Variants in LRMDA observed in about 807,000 individuals in gnomAD.
LRMDA encodes leucine-rich melanocyte differentiation-associated protein.
LRMDA carries 18 observed loss-of-function variants against 29.8 expected under a neutral mutation model. The ratio of observed to expected loss-of-function variants is 0.60; its 90% CI spans 0.42 to 0.90. The LOEUF (loss-of-function observed/expected upper bound fraction) is 0.90, where lower values mean the gene tolerates loss of function less well. LRMDA is among the 40% of genes least tolerant of loss of function. The pLI, the probability that LRMDA is intolerant of heterozygous loss-of-function variation, is 0.00. For missense variants in LRMDA, 273 were observed against 273.9 expected (o/e 1.00, Z 0.02); for synonymous variants, 125 against 109.4 (o/e 1.14, Z -0.89).
chr10:76,164,639 T>G (rs577576867), intron 5 of LRMDA, among the ~76,000 whole-genome samples: 2 of 152,372 alleles, frequency 1.3e-5, no homozygotes, highest in Non-Finnish European at 2.9e-5. Context: ...AGTTTGCCAA[T>G]CTGTGATCTA....
Position 75,972,277 on chromosome 10 carries a change from A to AT in LRMDA, c.132-63719dup, listed in dbSNP as rs200885177. On this transcript the variant is annotated intron_variant, in intron 2 of 6. Coordinates refer to ENST00000611255, the MANE Select transcript of LRMDA (RefSeq NM_001305581.2). ...TGGAGTCTGGATTTTGGAGTTTGGG[A>AT]TTTTTTTTTTTTAATGAATATTTTT... Among the ~76,000 whole-genome samples, 562 of 145,762 alleles carry AT rather than the reference A, an allele frequency of 3.9e-3. 1 individual carries two copies. The highest frequency in any genetic ancestry group is 0.015 in the Middle Eastern group (4 of 274).
intron 2 of LRMDA, among the ~76,000 whole-genome samples, chr10:75,735,754 C>G (rs1842754132): frequency 6.6e-6 from 1 of 152,154 alleles, no homozygotes; most frequent in Non-Finnish European, 1.5e-5. Context: ...AGTCAGCAGA[C>G]AACAGAAGCC....
intron 6 of LRMDA, among the ~76,000 whole-genome samples, chr10:76,463,682 A>T (rs892257886): frequency 3.3e-5 from 5 of 152,152 alleles, no homozygotes; most frequent in Non-Finnish European, 7.3e-5. Flanking sequence ...AACAGAACTG[A>T]GGAGAAAGGA....
At chr10:76,136,010 A>G (rs1394168672) in intron 5 of LRMDA, among the ~76,000 whole-genome samples, 1 of 152,130 alleles carries the variant, frequency 6.6e-6, no homozygotes, top group East Asian at 1.9e-4. Context: ...TAAGGCATAG[A>G]TTGTTATCTT....
intron 6 of LRMDA, among the ~76,000 whole-genome samples, chr10:76,347,487 C>T (rs777367828): frequency 5.3e-5 from 8 of 152,136 alleles, no homozygotes; most frequent in Non-Finnish European, 8.8e-5. Flanking sequence ...GAGATACCTC[C>T]GTGTGACTGC....
chr10:75,793,576 G>C lies in LRMDA; in HGVS notation c.132-242432G>C, dbSNP rs142843857. On this transcript the variant is annotated intron_variant, in intron 2 of 6. Coordinates refer to ENST00000611255, the MANE Select transcript of LRMDA (RefSeq NM_001305581.2). ...ACATGTATAAACAAATGGTAGGATT[G>C]TATTTTCTGGTCCCCTTGTGTGAAT... Among the ~76,000 whole-genome samples the C allele has an allele frequency of 5.3e-3, 805 of 152,314 alleles. 11 individuals carry two copies. Among genetic ancestry groups the C allele is most frequent in the African/African-American group, 0.019 (774 of 41,552 alleles).
At chr10:75,801,536 A>T (rs1435607801) in intron 2 of LRMDA, among the ~76,000 whole-genome samples, 3 of 152,158 alleles carry the variant, frequency 2.0e-5, no homozygotes, top group Non-Finnish European at 4.4e-5. Context: ...ATATTTTTCC[A>T]AGAGTTTATA....
chr10:76,042,727 T>A (rs537816493), intron 3 of LRMDA, among the ~76,000 whole-genome samples: 1 of 152,314 alleles, frequency 6.6e-6, no homozygotes, highest in Admixed American at 6.5e-5. Flanking sequence ...TTTGGTGAAA[T>A]TTTGTAATTT....
intron 2 of LRMDA, among the ~76,000 whole-genome samples, chr10:75,733,108 T>C (rs912587021): frequency 1.3e-5 from 2 of 152,200 alleles, no homozygotes; most frequent in Non-Finnish European, 2.9e-5. Flanking sequence ...TAAGAATGTC[T>C]CAGGGGTGGA....
At chr10:76,085,829 C>T (rs1457879925) in intron 5 of LRMDA, among the ~76,000 whole-genome samples, 1 of 152,154 alleles carries the variant, frequency 6.6e-6, no homozygotes, top group Non-Finnish European at 1.5e-5. Context: ...TCCCCGCTCT[C>T]CCTCACACTC....
chr10:76,284,771 T>C (rs1302337487), intron 5 of LRMDA, among the ~76,000 whole-genome samples: 1 of 152,060 alleles, frequency 6.6e-6, no homozygotes, highest in African/African-American at 2.4e-5. Flanking sequence ...GAGGGTGGAT[T>C]TTTCCCATAT....
chr10:76,378,728 T>C (rs1363120660), intron 6 of LRMDA, among the ~76,000 whole-genome samples: 1 of 152,146 alleles, frequency 6.6e-6, no homozygotes, highest in African/African-American at 2.4e-5. Context: ...AAAACCCACT[T>C]GATTATGATA....
At chr10:76,273,779 C>A (rs755891015) in intron 5 of LRMDA, among the ~76,000 whole-genome samples, 1 of 152,104 alleles carries the variant, frequency 6.6e-6, no homozygotes, top group East Asian at 1.9e-4. Context: ...TCCAGTATCC[C>A]TGGATCAGGT....
chr10:76,182,327 A>G (rs1403856946), intron 5 of LRMDA, among the ~76,000 whole-genome samples: 1 of 152,204 alleles, frequency 6.6e-6, no homozygotes, highest in East Asian at 1.9e-4. Flanking sequence ...AAACACTCCC[A>G]TGATCCAATC....
At chr10:76,026,269 T>C (rs1220302603) in intron 2 of LRMDA, among the ~76,000 whole-genome samples, 2 of 152,242 alleles carry the variant, frequency 1.3e-5, no homozygotes, top group African/African-American at 2.4e-5. Flanking sequence ...TTTCCATTTC[T>C]GGACCACAGC....
At chr10:76,452,779 G>A (rs1016419286) in intron 6 of LRMDA, among the ~76,000 whole-genome samples, 5 of 152,250 alleles carry the variant, frequency 3.3e-5, no homozygotes, top group Admixed American at 6.5e-5. Flanking sequence ...TTATGTATTT[G>A]TTTTATTCAC....
At chr10:76,020,317 T>C (rs1847951748) in intron 2 of LRMDA, among the ~76,000 whole-genome samples, 1 of 152,114 alleles carries the variant, frequency 6.6e-6, no homozygotes, top group African/African-American at 2.4e-5. Context: ...TAAAGGTATT[T>C]TGGAAGAAAG....
intron 5 of LRMDA, among the ~76,000 whole-genome samples, chr10:76,093,150 G>A (rs981976330): frequency 2.0e-5 from 3 of 151,994 alleles, no homozygotes; most frequent in African/African-American, 7.2e-5. Context: ...CGATTCTCCT[G>A]CCTCAGCCTC....
chr10:76,424,903 T>A (rs1842108022), intron 6 of LRMDA, among the ~76,000 whole-genome samples: 1 of 152,196 alleles, frequency 6.6e-6, no homozygotes, highest in African/African-American at 2.4e-5. Context: ...TTATGATGGG[T>A]GGTTGAGTCA....
Sources: gnomAD v4.1 joint callset for allele counts (sites outside exome capture counted in the v4.1 genomes callset) on GRCh38, gnomAD v4.1.1 for gene constraint, MANE v1.5 for transcripts, NCBI Gene and HGNC (gene_info 2026-07-23, HGNC 2026-07-21) for gene names.